ESR1: variants seen among roughly 807,000 people sequenced by gnomAD.
The protein encoded by ESR1 is estrogen receptor 1, also known as estrogen receptor.
ESR1 carries 12 observed loss-of-function variants against 52.7 expected under a neutral mutation model. That is an observed-to-expected ratio of 0.23 (90% CI 0.15 to 0.37). The LOEUF (loss-of-function observed/expected upper bound fraction) is 0.37, where lower values mean the gene tolerates loss of function less well. Among genes scored for constraint, ESR1 ranks in the 10% least tolerant of loss-of-function variants. The pLI, the probability that ESR1 is intolerant of heterozygous loss-of-function variation, is 1.00. For missense variants in ESR1, 584 were observed against 779.7 expected (o/e 0.75, Z 2.99); for synonymous variants, 305 against 316.8 (o/e 0.96, Z 0.39).
At chr6:151,991,513 A>G (rs958157444) in intron 4 of ESR1, among the ~76,000 whole-genome samples, 5 of 152,152 alleles carry the variant, frequency 3.3e-5, no homozygotes, top group Non-Finnish European at 7.3e-5. Context: ...CCAGAATAGT[A>G]TATGATTAGG....
At chr6:151,871,717 A>T (rs1187231271) in intron 2 of ESR1, among the ~76,000 whole-genome samples, 2 of 152,168 alleles carry the variant, frequency 1.3e-5, no homozygotes, top group South Asian at 2.1e-4. Flanking sequence ...CTCTGTGCTC[A>T]TTAAACAATG....
At chr6:151,784,714 C>T (rs753820926) in intron 2 of ESR1, among the ~76,000 whole-genome samples, 2 of 152,200 alleles carry the variant, frequency 1.3e-5, no homozygotes, top group Non-Finnish European at 2.9e-5. Context: ...GTTCCAGCTG[C>T]CAGGACTTAC....
chr6:151,828,752 C>T (rs1781915486), intron 1 of ESR1, among the ~76,000 whole-genome samples: 1 of 152,232 alleles, frequency 6.6e-6, no homozygotes, highest in South Asian at 2.1e-4. Context: ...ACCCAATCCT[C>T]TGTCACCATG....
rs117949868 is a variant in ESR1, at chr6:151,886,901, T to C, written c.760+6130T>C. Among the ~76,000 whole-genome samples the C allele has an allele frequency of 3.4e-4, 52 of 151,874 alleles. No homozygotes were observed. In the East Asian group the frequency reaches 7.6e-3, roughly 22 times the overall value. ...ACTAAGGATACAAAAATTAGCTGGG[T>C]GTAGTTGTGCCCACCTGTAATCCCA... is the stretch of plus-strand genomic sequence containing the variant. On this transcript the variant is annotated intron_variant, in intron 3 of 7. Coordinates refer to ENST00000206249, the MANE Select transcript of ESR1 (RefSeq NM_000125.4).
At chr6:151,724,383 G>C (rs981824938) in intron 2 of ESR1, among the ~76,000 whole-genome samples, 1 of 152,198 alleles carries the variant, frequency 6.6e-6, no homozygotes, top group African/African-American at 2.4e-5. Flanking sequence ...CCACGAAGGA[G>C]TTTGGAGGGG....
At chr6:151,658,461 TA>T (rs1020998034) in intron 1 of ESR1, among the ~76,000 whole-genome samples, 1 of 152,200 alleles carries the variant, frequency 6.6e-6, no homozygotes, top group Non-Finnish European at 1.5e-5. Flanking sequence ...CCTCATTCAA[TA>T]AAAATAGTTG....
At position 152,083,293 on chromosome 6, in the gene ESR1, G is replaced by C. The variant is rs571983189; in HGVS notation, c.1370-11092G>C. ...TATAGACTAATGGAACAGAACAGAG[G>C]CCTCAGAAATGACACCACACATCTG... On this transcript the variant is annotated intron_variant, in intron 6 of 7. Transcript: ENST00000206249. Among the ~76,000 whole-genome samples, 13 of 152,232 alleles carry C rather than the reference G, an allele frequency of 8.5e-5. No individual in the cohort carries two copies. In the East Asian group the frequency reaches 2.3e-3, roughly 27 times the overall value.
intron 6 of ESR1, among the ~76,000 whole-genome samples, chr6:152,063,795 T>C (rs1184273324): frequency 1.3e-5 from 2 of 152,172 alleles, no homozygotes; most frequent in Non-Finnish European, 2.9e-5. Context: ...AAGATGCCTT[T>C]CTGACACCTG....
At chr6:152,084,958 G>A (rs78320960) in intron 6 of ESR1, among the ~76,000 whole-genome samples, 240 of 152,302 alleles carry the variant, frequency 1.6e-3, no homozygotes, top group African/African-American at 4.9e-3. Flanking sequence ...ATAGCTGATA[G>A]GATGCACTGA....
chr6:151,937,819 C>A (rs1409606007), intron 3 of ESR1, among the ~76,000 whole-genome samples: 1 of 152,100 alleles, frequency 6.6e-6, no homozygotes, highest in Non-Finnish European at 1.5e-5. Context: ...GGCAGATAGA[C>A]CTCGATTGTA....
At chr6:152,051,725 T>G (rs1467552945) in intron 5 of ESR1, among the ~76,000 whole-genome samples, 1 of 152,216 alleles carries the variant, frequency 6.6e-6, no homozygotes, top group East Asian at 1.9e-4. Flanking sequence ...CATTTCAAAC[T>G]TCTCTTCCAC....
Position 151,991,692 on chromosome 6 carries a change from C to T in ESR1, c.1097-19964C>T, listed in dbSNP as rs1039544651. ...GCAGGGGCCAGATGGGAAAGGACAT[C>T]GTGGTGGAAATGACACGATGAGCAG... On this transcript the variant is annotated intron_variant, in intron 4 of 7. Transcript: ENST00000206249. 5.9e-5 allele frequency among the ~76,000 whole-genome samples: 9 copies of T among 152,080 alleles called. No homozygotes were observed. In the East Asian group the frequency reaches 1.2e-3, roughly 20 times the overall value.
At chr6:151,659,105 C>T (rs1367335669) in intron 1 of ESR1, among the ~76,000 whole-genome samples, 1 of 151,464 alleles carries the variant, frequency 6.6e-6, no homozygotes, top group Non-Finnish European at 1.5e-5. Context: ...CCTCCGCCTC[C>T]TGGGTTCAAG....
At chr6:151,928,268 C>G (rs79493611) in intron 3 of ESR1, among the ~76,000 whole-genome samples, 2,996 of 152,248 alleles carry the variant, frequency 0.02, 59 homozygotes, top group East Asian at 0.093. Context: ...TATCGCTTAG[C>G]CTAACCTCCC....
At chr6:151,737,514 C>T (rs1322649423) in intron 2 of ESR1, among the ~76,000 whole-genome samples, 1 of 151,964 alleles carries the variant, frequency 6.6e-6, no homozygotes, top group East Asian at 1.9e-4. Context: ...TTGCGATTTG[C>T]AAAAAGTTCA....
intron 5 of ESR1, among the ~76,000 whole-genome samples, chr6:152,016,914 A>G (rs528486386): frequency 6.8e-4 from 103 of 152,254 alleles, no homozygotes; most frequent in African/African-American, 2.3e-3. Flanking sequence ...TGAAGTCATC[A>G]GGAGCCCTGC....
At chr6:151,689,939 A>G (rs1778836802), upstream of ESR1, among the ~76,000 whole-genome samples, 1 of 152,226 alleles carries the variant, frequency 6.6e-6, no homozygotes. Flanking sequence ...CAATAACCTC[A>G]TAAACTTAAA....
chr6:151,741,748 T>C (rs1211454750), intron 2 of ESR1, among the ~76,000 whole-genome samples: 1 of 152,184 alleles, frequency 6.6e-6, no homozygotes, highest in East Asian at 1.9e-4. Context: ...ATTACTACAG[T>C]GAGGCAAACT....
intron 2 of ESR1, among the ~76,000 whole-genome samples, chr6:151,702,638 C>G (rs955085532): frequency 6.6e-6 from 1 of 152,154 alleles, no homozygotes; most frequent in Admixed American, 6.5e-5. Context: ...TTCAAAACAA[C>G]AGGTAGCAGT....
Sources: allele counts gnomAD v4.1 joint callset (sites outside exome capture counted in the v4.1 genomes callset), GRCh38; gene constraint gnomAD v4.1.1; transcripts MANE v1.5; gene names NCBI Gene and HGNC (gene_info 2026-07-23, HGNC 2026-07-21).